The following CNTNAP2 variants were observed in gnomAD, a reference collection of about 807,000 sequenced individuals.
CNTNAP2 encodes the protein contactin-associated protein-like 2.
In CNTNAP2, 98 loss-of-function variants were observed where a neutral mutation model predicts 155.2. That is an observed-to-expected ratio of 0.63 (90% CI 0.54 to 0.75). The LOEUF is 0.75. Among genes scored for constraint, CNTNAP2 ranks in the 30% least tolerant of loss-of-function variants. CNTNAP2 has a pLI of 0.00. For missense variants in CNTNAP2, 1,727 were observed against 1,688.1 expected, an observed-to-expected ratio of 1.02 and a Z score of -0.40; for synonymous variants, 651 against 631.2, an observed-to-expected ratio of 1.03 and a Z score of -0.47.
chr7:146,352,847 C>T (rs903989442), intron 1 of CNTNAP2, among the ~76,000 whole-genome samples: 5 of 147,592 alleles, frequency 3.4e-5, no homozygotes, highest in South Asian at 2.1e-4. Flanking sequence ...CTCCGCCTCC[C>T]GGGTTCACGC....
chr7:147,882,264 T>G (rs1799534106), intron 13 of CNTNAP2, among the ~76,000 whole-genome samples: 1 of 152,202 alleles, frequency 6.6e-6, no homozygotes, highest in African/African-American at 2.4e-5. Flanking sequence ...ATGATCATAA[T>G]GGAGGTGGAA....
chr7:146,449,025 T>C (rs372936739), intron 1 of CNTNAP2, among the ~76,000 whole-genome samples: 3 of 152,260 alleles, frequency 2.0e-5, no homozygotes, highest in East Asian at 3.9e-4. Flanking sequence ...TCAGTCTTTC[T>C]TTTCTGTGTT....
chr7:146,911,574 T>C (rs531710030), intron 3 of CNTNAP2, among the ~76,000 whole-genome samples: 116 of 147,610 alleles, frequency 7.9e-4, no homozygotes, highest in African/African-American at 2.4e-3. Flanking sequence ...CCAAACACCG[T>C]ATATTCTCAC....
intron 21 of CNTNAP2, among the ~76,000 whole-genome samples, chr7:148,280,348 G>A (rs1316443548): frequency 6.6e-6 from 1 of 152,028 alleles, no homozygotes; most frequent in African/African-American, 2.4e-5. Flanking sequence ...TTCTGCAGTG[G>A]GAATTATTCA....
chr7:148,163,879 A>T (rs1298937506), intron 17 of CNTNAP2, among the ~76,000 whole-genome samples: 1 of 152,230 alleles, frequency 6.6e-6, no homozygotes, highest in Non-Finnish European at 1.5e-5. Context: ...CAGTTCAACC[A>T]GATAACTGGG....
chr7:148,115,679 G>A (rs148158503), intron 15 of CNTNAP2, among the ~76,000 whole-genome samples: 91 of 152,248 alleles, frequency 6.0e-4, no homozygotes, highest in Middle Eastern at 3.4e-3. Context: ...TGAGGGGGGA[G>A]GAAGGCTTAC....
At chr7:146,309,677 C>A (rs1800784793) in intron 1 of CNTNAP2, among the ~76,000 whole-genome samples, 1 of 151,902 alleles carries the variant, frequency 6.6e-6, no homozygotes, top group South Asian at 2.1e-4. Flanking sequence ...TGGCGGGCGA[C>A]TGTAATCCCA....
chr7:147,675,523 G>T (rs1409614538), intron 13 of CNTNAP2, among the ~76,000 whole-genome samples: 1 of 152,054 alleles, frequency 6.6e-6, no homozygotes, highest in African/African-American at 2.4e-5. Flanking sequence ...TACTCAGAAA[G>T]AAGAAATTTA....
intron 8 of CNTNAP2, among the ~76,000 whole-genome samples, chr7:147,255,888 C>T (rs1804313884): frequency 6.6e-6 from 1 of 152,068 alleles, no homozygotes; most frequent in Non-Finnish European, 1.5e-5. Flanking sequence ...CAGGTGCACA[C>T]CACCCTGCCC....
chr7:146,388,608 A>G (rs1390913890), intron 1 of CNTNAP2, among the ~76,000 whole-genome samples: 1 of 152,040 alleles, frequency 6.6e-6, no homozygotes, highest in African/African-American at 2.4e-5. Context: ...GTTACAAACA[A>G]CCCAATCACA....
intron 8 of CNTNAP2, among the ~76,000 whole-genome samples, chr7:147,195,756 TTGA>T (rs1276344115): frequency 9.2e-5 from 14 of 152,060 alleles, no homozygotes; most frequent in African/African-American, 3.4e-4. Flanking sequence ...TTTTTGCACA[TTGA>T]TTTTGTATCC....
At chr7:146,591,917 C>A (rs1423679284) in intron 1 of CNTNAP2, among the ~76,000 whole-genome samples, 1 of 152,200 alleles carries the variant, frequency 6.6e-6, no homozygotes, top group African/African-American at 2.4e-5. Context: ...GATAAGACTT[C>A]TCCTTTTCAA....
chr7:147,870,729 C>T (rs1010122007), intron 13 of CNTNAP2, among the ~76,000 whole-genome samples: 1 of 152,144 alleles, frequency 6.6e-6, no homozygotes, highest in Non-Finnish European at 1.5e-5. Flanking sequence ...CCAAGGCCAA[C>T]AATACACTTC....
intron 1 of CNTNAP2, among the ~76,000 whole-genome samples, chr7:146,436,468 C>A (rs1180847089): frequency 6.6e-6 from 1 of 151,970 alleles, no homozygotes; most frequent in East Asian, 1.9e-4. Flanking sequence ...TAATATAAAA[C>A]AAAACTATTT....
At chr7:146,173,259 A>G (rs1022415017) in intron 1 of CNTNAP2, among the ~76,000 whole-genome samples, 13 of 152,206 alleles carry the variant, frequency 8.5e-5, no homozygotes, top group African/African-American at 2.9e-4. Flanking sequence ...TTACATTTTT[A>G]TCTAATCTCA....
At chr7:146,537,669 T>C (rs1242673313) in intron 1 of CNTNAP2, among the ~76,000 whole-genome samples, 3 of 152,078 alleles carry the variant, frequency 2.0e-5, no homozygotes, top group African/African-American at 7.2e-5. Context: ...AATAAAGGAC[T>C]AAACAACTGA....
At chr7:147,919,459 C>CTCTCTTTTTTTTTTTTTTTTT (rs1800221353) in intron 14 of CNTNAP2, among the ~76,000 whole-genome samples, 1 of 51,240 alleles carries the variant, frequency 2.0e-5, no homozygotes, top group Non-Finnish European at 3.3e-5. Context: ...CTTTTTCTTT[C>CTCTCTTTTTTTTTTTTTTTTT]TTTTTTTTTT....
chr7:146,681,156 A>G (rs1027671362), intron 1 of CNTNAP2, among the ~76,000 whole-genome samples: 1 of 151,706 alleles, frequency 6.6e-6, no homozygotes, highest in African/African-American at 2.4e-5. Context: ...CGTCACAGAA[A>G]AAATGATTGT....
intron 1 of CNTNAP2, among the ~76,000 whole-genome samples, chr7:146,399,480 G>A (rs528014741): frequency 5.3e-5 from 8 of 152,194 alleles, no homozygotes; most frequent in African/African-American, 7.2e-5. Flanking sequence ...CAGCTTCATC[G>A]ATGTATTTGC....
Sources: gnomAD v4.1 joint callset for allele counts (sites outside exome capture counted in the v4.1 genomes callset) on GRCh38, gnomAD v4.1.1 for gene constraint, MANE v1.5 for transcripts, NCBI Gene and HGNC (gene_info 2026-07-23, HGNC 2026-07-21) for gene names.